The following COL23A1 variants were observed in gnomAD, a reference collection of about 807,000 sequenced individuals.
COL23A1 encodes collagen alpha-1(XXIII) chain.
Under a neutral mutation model 99.3 loss-of-function variants are expected in COL23A1, and 97 were observed. That is an observed-to-expected ratio of 0.98 (90% CI 0.83 to 1.16). The LOEUF is 1.16. Among genes scored for constraint, COL23A1 ranks in the 50% most tolerant of loss-of-function variants. The pLI is 0.00. For synonymous variants in COL23A1, 320 were observed against 308.2 expected, an observed-to-expected ratio of 1.04 and a Z score of -0.40; for missense variants, 762 against 757.4, an observed-to-expected ratio of 1.01 and a Z score of -0.07.
intron 2 of COL23A1, among the ~76,000 whole-genome samples, chr5:178,347,351 A>G (rs1761030253): frequency 6.6e-6 from 1 of 152,076 alleles, no homozygotes; most frequent in Non-Finnish European, 1.5e-5. Flanking sequence ...ACTCACAGGA[A>G]ATGTCCCGAA....
At chr5:178,341,432 G>A (rs561509383) in intron 2 of COL23A1, among the ~76,000 whole-genome samples, 3 of 152,274 alleles carry the variant, frequency 2.0e-5, no homozygotes, top group Admixed American at 6.5e-5. Flanking sequence ...TGCTCCAATC[G>A]GGTACCCCAG....
intron 2 of COL23A1, among the ~76,000 whole-genome samples, chr5:178,489,112 G>C (rs1298584055): frequency 6.6e-6 from 1 of 152,212 alleles, no homozygotes; most frequent in Non-Finnish European, 1.5e-5. Context: ...GTTTCCAGGG[G>C]AGATGGCATG....
chr5:178,360,966 G>A (rs1470153303), intron 2 of COL23A1, among the ~76,000 whole-genome samples: 3 of 152,142 alleles, frequency 2.0e-5, no homozygotes, highest in South Asian at 2.1e-4. Context: ...TTTGACATTC[G>A]GCTTTGGACT....
At chr5:178,412,179 A>C (rs1243484178) in intron 2 of COL23A1, among the ~76,000 whole-genome samples, 2 of 152,244 alleles carry the variant, frequency 1.3e-5, no homozygotes, top group Admixed American at 1.3e-4. Context: ...TACTATTCTA[A>C]AAAGAATGAG....
At chr5:178,312,827 C>G (rs1373260365) in intron 2 of COL23A1, among the ~76,000 whole-genome samples, 1 of 152,196 alleles carries the variant, frequency 6.6e-6, no homozygotes, top group African/African-American at 2.4e-5. Flanking sequence ...ATCCACACAA[C>G]AGTCTGTGAA....
At chr5:178,482,002 C>A (rs1365467303) in intron 2 of COL23A1, among the ~76,000 whole-genome samples, 33 of 147,266 alleles carry the variant, frequency 2.2e-4, no homozygotes, top group African/African-American at 8.0e-4. Flanking sequence ...GTACATGTAC[C>A]CTAAAACTTA....
intron 1 of COL23A1, among the ~76,000 whole-genome samples, chr5:178,585,397 G>GGATGGCGCTGGGGTAAC (rs1562114366): frequency 1.4e-5 from 2 of 146,102 alleles, no homozygotes; most frequent in East Asian, 4.3e-4. Flanking sequence ...CCGCGGCCCT[G>GGATGGCGCTGGGGTAAC]ACTGATGTGT....
intron 2 of COL23A1, among the ~76,000 whole-genome samples, chr5:178,410,054 G>T (rs1764982620): frequency 6.6e-6 from 1 of 152,100 alleles, no homozygotes; most frequent in African/African-American, 2.4e-5. Context: ...CATAAACAGG[G>T]TCATGCAACT....
intron 22 of COL23A1, 96 bp downstream of exon 22, chr5:178,247,430 G>A (rs3812092): frequency 0.2 from 278,875 of 1,379,588 alleles, 28,983 homozygotes; most frequent in African/African-American, 0.31. Flanking sequence ...GGGCCAGGGC[G>A]GAGCGTCAGG....
chr5:178,465,153 C>G (rs943171189), intron 2 of COL23A1, among the ~76,000 whole-genome samples: 1 of 152,194 alleles, frequency 6.6e-6, no homozygotes, highest in African/African-American at 2.4e-5. Flanking sequence ...ATAGCATTTC[C>G]ACCTTCACAG....
intron 2 of COL23A1, among the ~76,000 whole-genome samples, chr5:178,382,106 A>G (rs779445339): frequency 5.0e-4 from 62 of 124,464 alleles, no homozygotes; most frequent in African/African-American, 1.7e-3. Flanking sequence ...TTCGGGGGGA[A>G]TGGGTGGGGC....
intron 2 of COL23A1, among the ~76,000 whole-genome samples, chr5:178,382,866 G>A (rs923844181): frequency 1.3e-5 from 2 of 152,200 alleles, no homozygotes; most frequent in East Asian, 1.9e-4. Flanking sequence ...GTGACTCGGG[G>A]AGGCCTGGCT....
rs139238384 is a variant in COL23A1 at position 178,503,758 on chromosome 5, C to T, written c.361+56924G>A. Among the ~76,000 whole-genome samples, 409 of 152,004 alleles carry T rather than the reference C, an allele frequency of 2.7e-3. 2 individuals carry two copies. The highest frequency in any genetic ancestry group is 9.5e-3 in the African/African-American group (393 of 41,434). ...GGGTGTTCTTTGTACTTTTTTAAAC[C>T]TTTGCAACTTTTCTGCAAATTCTGT... On this transcript the variant is annotated intron_variant, in intron 2 of 28. Transcript: ENST00000390654.
At chr5:178,341,391 G>A (rs1760650622) in intron 2 of COL23A1, among the ~76,000 whole-genome samples, 1 of 152,122 alleles carries the variant, frequency 6.6e-6, no homozygotes, top group Admixed American at 6.5e-5. Flanking sequence ...TCCCATGCAG[G>A]GCACACTTTG....
At position 178,579,546 on chromosome 5, in the gene COL23A1, C is replaced by T. The variant is rs192086398; in HGVS notation, c.294+10358G>A. On this transcript the variant is annotated intron_variant, in intron 1 of 28. Transcript: ENST00000390654. ...TCGGCTCACTACAACCTCTGCCTCCCGGGTTCAAGAGATTCTCCTGCCTCA... is the reference window on the plus strand; with the variant it reads ...TCGGCTCACTACAACCTCTGCCTCCTGGGTTCAAGAGATTCTCCTGCCTCA... 1.3e-3 allele frequency among the ~76,000 whole-genome samples: 199 copies of T among 152,180 alleles called. 1 individual carries two copies. The highest frequency in any genetic ancestry group is 4.0e-3 in the African/African-American group (168 of 41,518).
At chr5:178,411,623 G>C (rs1220580968) in intron 2 of COL23A1, among the ~76,000 whole-genome samples, 2 of 152,212 alleles carry the variant, frequency 1.3e-5, no homozygotes, top group Non-Finnish European at 2.9e-5. Context: ...CCCAGGAGCT[G>C]GGAGGAGGGG....
At chr5:178,481,131 C>CAAAAAAAAAAAAAAAAAA (rs10625763) in intron 2 of COL23A1, among the ~76,000 whole-genome samples, 8 of 102,312 alleles carry the variant, frequency 7.8e-5, no homozygotes, top group Admixed American at 2.3e-4. Flanking sequence ...GACTGTCTCT[C>CAAAAAAAAAAAAAAAAAA]AAAAAAAAAA....
intron 2 of COL23A1, among the ~76,000 whole-genome samples, chr5:178,353,952 A>C (rs957167132): frequency 3.6e-5 from 5 of 138,358 alleles, no homozygotes; most frequent in South Asian, 2.3e-4. Context: ...AAAAAAAAAA[A>C]AACCAAAAAA....
At position 178,491,777 on chromosome 5, in the gene COL23A1, C is replaced by G. The variant is rs1027100924; in HGVS notation, c.361+68905G>C. On this transcript the variant is annotated intron_variant, in intron 2 of 28. Coordinates refer to ENST00000390654, the MANE Select transcript of COL23A1 (RefSeq NM_173465.4). Reference sequence around the variant, plus strand: ...TGAGAGAGAGTCTCACTCTGTCACCCAGGCTGGAGTGCAGTGGTGCCATCT... The same window carrying G: ...TGAGAGAGAGTCTCACTCTGTCACCGAGGCTGGAGTGCAGTGGTGCCATCT... 2.0e-5 allele frequency among the ~76,000 whole-genome samples: 3 copies of G among 152,074 alleles called. 1 individual carries two copies. The highest frequency in any genetic ancestry group is 3.9e-4 in the East Asian group (2 of 5,194).
Sources: allele counts gnomAD v4.1 joint callset (sites outside exome capture counted in the v4.1 genomes callset), GRCh38; gene constraint gnomAD v4.1.1; transcripts MANE v1.5; gene names NCBI Gene and HGNC (gene_info 2026-07-23, HGNC 2026-07-21).